Variants in WASHC2A observed in about 807,000 individuals in gnomAD.
WASHC2A encodes WASH complex subunit FAM21A.
Under a neutral mutation model 140.3 loss-of-function variants are expected in WASHC2A, and 82 were observed. The ratio of observed to expected loss-of-function variants is 0.58; its 90% CI spans 0.49 to 0.70. The LOEUF is 0.70. Among genes scored for constraint, WASHC2A ranks in the 30% least tolerant of loss-of-function variants. The pLI is 0.00. For synonymous variants in WASHC2A, 340 were observed against 560.8 expected (o/e 0.61, Z 5.56); for missense variants, 985 against 1,521.8 (o/e 0.65, Z 5.87).
intron 13 of WASHC2A, among the ~76,000 whole-genome samples, chr10:50,094,438 G>C (rs1840247364): frequency 6.7e-6 from 1 of 149,924 alleles, no homozygotes; most frequent in Non-Finnish European, 1.5e-5. Context: ...AAAATGCTAG[G>C]AATACAGGCA....
chr10:50,124,166 G>C (rs2805226), intron 23 of WASHC2A, among the ~76,000 whole-genome samples: 6 of 152,064 alleles, frequency 3.9e-5, no homozygotes, highest in African/African-American at 1.2e-4. Flanking sequence ...GTGCAGTGGC[G>C]TGATCTCGGC....
intron 23 of WASHC2A, among the ~76,000 whole-genome samples, chr10:50,121,431 TC>T (rs1843010688): frequency 6.7e-6 from 1 of 148,408 alleles, no homozygotes; most frequent in Non-Finnish European, 1.5e-5. Context: ...TTCACTCTTG[TC>T]CCCCAGGCTG....
At chr10:50,078,469 C>CTT (rs1218052955) in intron 3 of WASHC2A, among the ~76,000 whole-genome samples, 1 of 145,930 alleles carries the variant, frequency 6.9e-6, no homozygotes. Context: ...TAAAAATTTT[C>CTT]TTTTTTTTTT....
intron 20 of WASHC2A, among the ~76,000 whole-genome samples, chr10:50,111,662 C>G (rs1293558342): frequency 6.6e-6 from 1 of 152,142 alleles, no homozygotes; most frequent in African/African-American, 2.4e-5. Context: ...TTTTGTTGCT[C>G]TCTCCTGGGA....
chr10:50,117,598 CAG>C (rs1427425060), intron 21 of WASHC2A, among the ~76,000 whole-genome samples: 7 of 148,798 alleles, frequency 4.7e-5, no homozygotes, highest in African/African-American at 1.5e-4. Flanking sequence ...AGGAGTGAGG[CAG>C]AGAGAGAGAC....
chr10:50,091,734 G>A (rs1284997397), intron 10 of WASHC2A, among the ~76,000 whole-genome samples: 5 of 152,152 alleles, frequency 3.3e-5, no homozygotes, highest in Non-Finnish European at 7.3e-5. Flanking sequence ...AAACGTACAT[G>A]TACACATGTA....
chr10:50,100,960 A>G (rs1270264391), intron 17 of WASHC2A, among the ~76,000 whole-genome samples: 2 of 152,312 alleles, frequency 1.3e-5, no homozygotes, highest in African/African-American at 4.8e-5. Context: ...AATGGGAAGT[A>G]ATAAGCCCCT....
chr10:50,103,161 T>C lies in WASHC2A; in HGVS notation c.1636-881T>C, dbSNP rs1334885756. Among the ~76,000 whole-genome samples, 40 of 152,076 alleles carry C rather than the reference T, an allele frequency of 2.6e-4. 1 individual carries two copies. The highest frequency in any genetic ancestry group is 9.1e-4 in the African/African-American group (38 of 41,532). On this transcript the variant is annotated intron_variant, in intron 17 of 30. Coordinates refer to ENST00000282633, the MANE Select transcript of WASHC2A (RefSeq NM_001005751.3). ...CACAGCACCGAGCTGAAAGTTTCTT[T>C]AGAATCTATCAGGTCTTATCCTGGT... is the stretch of plus-strand genomic sequence containing the variant.
At chr10:50,113,670 A>G (rs1400032138) in intron 20 of WASHC2A, among the ~76,000 whole-genome samples, 1 of 138,834 alleles carries the variant, frequency 7.2e-6, no homozygotes, top group Non-Finnish European at 1.6e-5. Context: ...GAAAGGGGCA[A>G]CCTGAGGCAG....
At chr10:50,126,408 A>G (rs1236279075) in intron 26 of WASHC2A, 164 of 448,942 alleles carry the variant, frequency 3.7e-4, no homozygotes, top group Middle Eastern at 1.9e-3. Context: ...TTTTGATGCC[A>G]TGCCAGATTT....
intron 19 of WASHC2A, among the ~76,000 whole-genome samples, chr10:50,107,702 A>T (rs1368653700): frequency 6.6e-6 from 1 of 151,768 alleles, no homozygotes; most frequent in East Asian, 1.9e-4. Flanking sequence ...CAGGCAGATC[A>T]CTTGAGGTTG....
At chr10:50,095,464 A>T in intron 14 of WASHC2A, 135 bp from the exon 15 acceptor site, 1 of 1,380,476 alleles carries the variant, frequency 7.2e-7, no homozygotes, top group Non-Finnish European at 1.0e-6. Context: ...TAATGGATGG[A>T]GGCTATTGGG....
chr10:50,111,740 G>A (rs1192280148), intron 20 of WASHC2A, among the ~76,000 whole-genome samples: 1 of 152,174 alleles, frequency 6.6e-6, no homozygotes, highest in Non-Finnish European at 1.5e-5. Context: ...TTCATAAGAA[G>A]CCTTCCCGGC....
chr10:50,087,242 A>T (rs1452180618), intron 7 of WASHC2A, 33 bp from the exon 8 acceptor site: 1 of 1,613,868 alleles, frequency 6.2e-7, no homozygotes, highest in Non-Finnish European at 8.5e-7. Flanking sequence ...AGTAAAGCCC[A>T]TTTAACAACA....
At chr10:50,083,638 A>G (rs1225188698) in intron 5 of WASHC2A, among the ~76,000 whole-genome samples, 2 of 117,618 alleles carry the variant, frequency 1.7e-5, no homozygotes, top group Non-Finnish European at 3.4e-5. Context: ...GCTCACTGCA[A>G]CACTGTTTCC....
At chr10:50,093,965 CTG>C (rs1840180153) in intron 13 of WASHC2A, 48 bp downstream of exon 13, 2 of 1,554,956 alleles carry the variant, frequency 1.3e-6, no homozygotes, top group Non-Finnish European at 1.8e-6. Flanking sequence ...AGTTCCAAAA[CTG>C]TCTTTCTCAC....
intron 19 of WASHC2A, among the ~76,000 whole-genome samples, chr10:50,107,585 G>T (rs2132822797): frequency 6.6e-6 from 1 of 150,968 alleles, no homozygotes; most frequent in Non-Finnish European, 1.5e-5. Context: ...CTTACTGAAA[G>T]CAATTTAAAA....
intron 4 of WASHC2A, among the ~76,000 whole-genome samples, chr10:50,080,378 C>T (rs1442780904): frequency 6.7e-6 from 1 of 149,218 alleles, no homozygotes; most frequent in Non-Finnish European, 1.5e-5. Context: ...CTAAAATTAC[C>T]CAAGGGATAA....
At chr10:50,091,727 C>T (rs1262983408) in intron 10 of WASHC2A, among the ~76,000 whole-genome samples, 4 of 152,080 alleles carry the variant, frequency 2.6e-5, no homozygotes, top group South Asian at 4.1e-4. Flanking sequence ...ACAAGAAAAA[C>T]GTACATGTAC....
Sources: gnomAD v4.1 joint callset for allele counts (sites outside exome capture counted in the v4.1 genomes callset) on GRCh38, gnomAD v4.1.1 for gene constraint, MANE v1.5 for transcripts, NCBI Gene and HGNC (gene_info 2026-07-23, HGNC 2026-07-21) for gene names.